GPHN: variants seen among roughly 807,000 people sequenced by gnomAD.
GPHN encodes the protein gephyrin.
In GPHN, 17 loss-of-function variants were observed where a neutral mutation model predicts 95.5. That is an observed-to-expected ratio of 0.18 (90% CI 0.12 to 0.27). GPHN has a LOEUF of 0.27. GPHN is among the 10% of genes least tolerant of loss of function. The probability of loss-of-function intolerance (pLI) is 1.00; values close to 1 mark genes in which losing one functional copy is unlikely to be tolerated. For missense variants in GPHN, 660 were observed against 978.1 expected, an observed-to-expected ratio of 0.67 and a Z score of 4.34; for synonymous variants, 320 against 322.5, an observed-to-expected ratio of 0.99 and a Z score of 0.08.
rs796792924 is a variant in GPHN at position 66,717,546 on chromosome 14, G to A, written c.143+36361G>A. ...TTCTTGGTTTGTATCAATTGATGGT[G>A]AGCTAGTGTGATTTTTGGGGGGTGT... On this transcript the variant is annotated intron_variant, in intron 2 of 22. Transcript: ENST00000478722. Among the ~76,000 whole-genome samples the A allele has an allele frequency of 1.6e-4, 25 of 152,254 alleles. 1 individual carries two copies. The highest frequency in any genetic ancestry group is 6.0e-4 in the African/African-American group (25 of 41,546).
chr14:66,856,435 G>A (rs913242643), intron 4 of GPHN, among the ~76,000 whole-genome samples: 3 of 152,110 alleles, frequency 2.0e-5, no homozygotes, highest in African/African-American at 7.2e-5. Context: ...CCCCATATCT[G>A]TCAGTTGATA....
At chr14:67,224,010 C>G in the GPHN span, 1 of 980,790 alleles carries the variant, frequency 1.0e-6, no homozygotes, top group Non-Finnish European at 1.2e-6. Context: ...AGTAGTAAAA[C>G]AAATTCCTGG....
chr14:67,608,651 A>G, the GPHN span, among the ~76,000 whole-genome samples: 1 of 152,140 alleles, frequency 6.6e-6, no homozygotes, highest in Non-Finnish European at 1.5e-5. Flanking sequence ...TCTTTTCCCA[A>G]TCAAGAAACT....
chr14:66,592,818 T>C (rs11593197), intron 1 of GPHN, among the ~76,000 whole-genome samples: 3 of 152,202 alleles, frequency 2.0e-5, no homozygotes, highest in Non-Finnish European at 4.4e-5. Context: ...CAAAGGATTA[T>C]AAATCATTCT....
the GPHN span, among the ~76,000 whole-genome samples, chr14:67,345,510 G>A: frequency 1.1e-4 from 17 of 149,330 alleles, no homozygotes; most frequent in Middle Eastern, 7.4e-3. Flanking sequence ...AGCCGAGGTC[G>A]CGCCATTGCA....
chr14:67,119,789 TCAAAAA>T (rs1370631498), intron 16 of GPHN, among the ~76,000 whole-genome samples: 2 of 151,240 alleles, frequency 1.3e-5, no homozygotes, highest in Admixed American at 1.3e-4. Context: ...TGATGCTGTC[TCAAAAA>T]CAAAAACAAA....
At chr14:67,076,144 A>T (rs1156238989) in intron 11 of GPHN, among the ~76,000 whole-genome samples, 1 of 152,124 alleles carries the variant, frequency 6.6e-6, no homozygotes, top group Non-Finnish European at 1.5e-5. Context: ...AGCAACTACC[A>T]CCCAGATCAG....
At chr14:67,089,422 T>C (rs1567315214) in intron 12 of GPHN, among the ~76,000 whole-genome samples, 1 of 152,168 alleles carries the variant, frequency 6.6e-6, no homozygotes, top group African/African-American at 2.4e-5. Flanking sequence ...CAATGCATAA[T>C]AATCACATCA....
intron 3 of GPHN, among the ~76,000 whole-genome samples, chr14:66,795,303 A>T (rs1186317295): frequency 1.3e-5 from 2 of 152,098 alleles, no homozygotes; most frequent in East Asian, 1.9e-4. Flanking sequence ...TATTTTCATC[A>T]TTCTCATTTC....
the GPHN span, among the ~76,000 whole-genome samples, chr14:67,487,546 G>T: frequency 6.6e-6 from 1 of 152,098 alleles, no homozygotes; most frequent in African/African-American, 2.4e-5. Context: ...TCTCAAGGGC[G>T]GTCAGAACCT....
At chr14:66,546,588 A>T (rs1180958827) in intron 1 of GPHN, among the ~76,000 whole-genome samples, 1 of 152,144 alleles carries the variant, frequency 6.6e-6, no homozygotes, top group African/African-American at 2.4e-5. Context: ...CGTCCAACAC[A>T]GCGAAACCCC....
At chr14:67,072,752 T>G (rs1595033891) in intron 11 of GPHN, among the ~76,000 whole-genome samples, 2 of 151,668 alleles carry the variant, frequency 1.3e-5, no homozygotes, top group African/African-American at 4.8e-5. Context: ...TTCTATAAAC[T>G]CCTCTTCTGC....
chr14:67,141,955 T>A (rs2080484356), intron 17 of GPHN, among the ~76,000 whole-genome samples: 1 of 152,196 alleles, frequency 6.6e-6, no homozygotes, highest in African/African-American at 2.4e-5. Flanking sequence ...CGTTGAGAGA[T>A]CATTTGTTTT....
chr14:67,387,255 C>T, the GPHN span: 28,623 of 1,445,672 alleles, frequency 0.02, 362 homozygotes, highest in Middle Eastern at 0.076. Flanking sequence ...AAAGTCTTAA[C>T]ACTCCCATTC....
At chr14:66,578,857 T>C (rs1388799248) in intron 1 of GPHN, among the ~76,000 whole-genome samples, 1 of 151,740 alleles carries the variant, frequency 6.6e-6, no homozygotes, top group East Asian at 1.9e-4. Context: ...AGGATGGTAA[T>C]TGGTAATATG....
At chr14:67,727,419 T>C in the GPHN span, 1 of 527,602 alleles carries the variant, frequency 1.9e-6, no homozygotes, top group Non-Finnish European at 3.4e-6. Context: ...TGTCACATCT[T>C]ATCTCTTATC....
chr14:66,594,429 G>T (rs2061911477), intron 1 of GPHN, among the ~76,000 whole-genome samples: 1 of 152,158 alleles, frequency 6.6e-6, no homozygotes, highest in Non-Finnish European at 1.5e-5. Flanking sequence ...CTACAAAGCT[G>T]TGTTAATCAA....
chr14:66,635,211 G>A (rs1423616547), intron 1 of GPHN, among the ~76,000 whole-genome samples: 1 of 152,116 alleles, frequency 6.6e-6, no homozygotes, highest in African/African-American at 2.4e-5. Context: ...GGTAGCTGCA[G>A]TTTTCTTAAG....
At chr14:67,462,639 C>T in the GPHN span, among the ~76,000 whole-genome samples, 16 of 152,352 alleles carry the variant, frequency 1.1e-4, no homozygotes, top group East Asian at 3.9e-4. Context: ...CCACCACGCC[C>T]GGCCAACAAA....
Sources: gnomAD v4.1 joint callset for allele counts (sites outside exome capture counted in the v4.1 genomes callset) on GRCh38, gnomAD v4.1.1 for gene constraint, MANE v1.5 for transcripts, NCBI Gene and HGNC (gene_info 2026-07-23, HGNC 2026-07-21) for gene names.